CYLD: variants seen among roughly 807,000 people sequenced by gnomAD.
The protein encoded by CYLD is ubiquitin carboxyl-terminal hydrolase CYLD.
Under a neutral mutation model 104.5 loss-of-function variants are expected in CYLD, and 26 were observed. The observed-to-expected ratio is 0.25, with a 90% CI of 0.18 to 0.35. The LOEUF (loss-of-function observed/expected upper bound fraction) is 0.35, where lower values mean the gene tolerates loss of function less well. Ranked by LOEUF, CYLD falls within the 10% of genes least tolerant of loss-of-function variation. The pLI, the probability that CYLD is intolerant of heterozygous loss-of-function variation, is 1.00. For missense variants in CYLD, 703 were observed against 1,136.1 expected (o/e 0.62, Z 5.48); for synonymous variants, 385 against 399.9 (o/e 0.96, Z 0.45).
chr16:50,792,480 T>C (rs530246285), intron 15 of CYLD, 117 bp from the exon 16 acceptor site: 5 of 705,112 alleles, frequency 7.1e-6, no homozygotes, highest in South Asian at 4.9e-5. Flanking sequence ...TCCTGTTTCA[T>C]AGGACACCAA....
chr16:50,755,024 CATATATATGTAT>C (rs1175016364), intron 5 of CYLD, among the ~76,000 whole-genome samples: 1 of 96,574 alleles, frequency 1.0e-5, no homozygotes, highest in Non-Finnish European at 2.1e-5. Flanking sequence ...TGTATATATA[CATATATATGTAT>C]ATATACATAT....
At chr16:50,782,916 A>ATTTTTTT (rs386384680) in intron 11 of CYLD, among the ~76,000 whole-genome samples, 4 of 87,704 alleles carry the variant, frequency 4.6e-5, no homozygotes, top group Non-Finnish European at 6.3e-5. Context: ...ACAACTTAAG[A>ATTTTTTT]TTTTTTTTTT....
chr16:50,781,608 C>T (rs1346721803), intron 10 of CYLD, among the ~76,000 whole-genome samples, 197 bp downstream of exon 10: 3 of 152,128 alleles, frequency 2.0e-5, no homozygotes, highest in South Asian at 2.1e-4. Context: ...AGTATTAGGA[C>T]GTGCGTTTGG....
chr16:50,793,525 C>T, intron 16 of CYLD, 21 bp from the exon 17 acceptor site: 3 of 1,501,180 alleles, frequency 2.0e-6, no homozygotes, highest in South Asian at 1.1e-5. Flanking sequence ...CTTAACTTCC[C>T]TTCCCCTTCT....
At chr16:50,762,715 T>C (rs970154262) in intron 5 of CYLD, among the ~76,000 whole-genome samples, 1 of 152,256 alleles carries the variant, frequency 6.6e-6, no homozygotes, top group Non-Finnish European at 1.5e-5. Flanking sequence ...TTCTAATATA[T>C]AAACCTTGTG....
In CYLD at chr16:50,794,538, A is replaced by G; in HGVS notation, c.2686+110A>G. The G allele has an allele frequency of 9.4e-7, 1 of 1,063,522 alleles. No homozygotes were observed. The highest frequency in any genetic ancestry group is 1.5e-6 in the Non-Finnish European group (1 of 688,414). 65.9% of individuals were successfully genotyped at this position (1,063,522 alleles called of 1,614,324 possible). ...TGATATTTTCTGAGAAAATCCTTTC[A>G]GGATTATTCTGGTGACAACAGTCTT... On this transcript the variant is annotated intron_variant, in intron 18 of 18. Transcript: ENST00000427738. The surrounding 1 kb of genome is among the most constrained non-coding windows in gnomAD (Gnocchi z 4.1).
At position 50,799,218 on chromosome 16, in the gene CYLD, C is replaced by T. The variant is rs141928186; in HGVS notation, c.*2710C>T. The T allele has an allele frequency of 1.6e-3, 368 of 233,336 alleles. 4 individuals carry two copies. Among genetic ancestry groups the T allele is most frequent in the African/African-American group, 7.1e-3 (323 of 45,432 alleles). 14.5% of individuals were successfully genotyped at this position (233,336 alleles called of 1,614,324 possible). ...TAATTGAATTATCTTATTTATAACA[C>T]GGTTCGTGATTCATGATTCATGATT... On this transcript the variant is annotated 3_prime_UTR_variant, in exon 19 of 19. Coordinates refer to ENST00000427738, the MANE Select transcript of CYLD (RefSeq NM_001378743.1).
chr16:50,786,824 A>T, intron 12 of CYLD, 31 bp from the exon 13 acceptor site: 1 of 1,387,122 alleles, frequency 7.2e-7, no homozygotes, highest in East Asian at 2.3e-5. Flanking sequence ...AATACATGCC[A>T]ATATCAATTA....
intron 11 of CYLD, 110 bp downstream of exon 11, chr16:50,782,576 C>T (rs1970337128): frequency 8.6e-7 from 1 of 1,156,482 alleles, no homozygotes; most frequent in Non-Finnish European, 1.3e-6. Context: ...CTGCCATCTG[C>T]CTCTGAGTAG....
chr16:50,743,056 G>T (rs1750920315), intron 2 of CYLD, among the ~76,000 whole-genome samples: 1 of 152,040 alleles, frequency 6.6e-6, no homozygotes, highest in African/African-American at 2.4e-5. Flanking sequence ...CAGCCACCAA[G>T]CCTGTGGCCT....
Position 50,792,717 on chromosome 16 carries a change from AT to A in CYLD, c.2350+19del. 1 of 1,342,504 alleles carries A rather than the reference AT, an allele frequency of 7.4e-7. No individual in the cohort carries two copies. The highest frequency in any genetic ancestry group is 1.1e-6 in the Non-Finnish European group (1 of 944,614). The allele number at this position is 1,342,504 out of a possible 1,614,324, so 83.2% of individuals were successfully genotyped here. On this transcript the variant is annotated intron_variant, in intron 16 of 18. Transcript: ENST00000427738. ...TTTACTTGAAGACAGTAAGTATGAG[AT>A]TTTTTTAGTTTGTTTTGTTGGTTTT... is the stretch of plus-strand genomic sequence containing the variant.
intron 5 of CYLD, among the ~76,000 whole-genome samples, chr16:50,759,881 G>A (rs866478719): frequency 7.2e-5 from 11 of 152,080 alleles, no homozygotes; most frequent in Non-Finnish European, 1.0e-4. Flanking sequence ...TATTAAACAC[G>A]TATTTTTTGC....
intron 5 of CYLD, among the ~76,000 whole-genome samples, chr16:50,755,113 A>ATG (rs1478036508): frequency 3.9e-5 from 5 of 127,578 alleles, no homozygotes; most frequent in Non-Finnish European, 1.6e-5. Flanking sequence ...ATACACACAT[A>ATG]TACACATGTG....
At chr16:50,757,195 G>T (rs1180354189) in intron 5 of CYLD, among the ~76,000 whole-genome samples, 3 of 151,094 alleles carry the variant, frequency 2.0e-5, no homozygotes, top group Non-Finnish European at 4.4e-5. Flanking sequence ...TCCTTTTAGC[G>T]TGCACTGTTT....
chr16:50,766,515 G>A (rs1968541113), intron 5 of CYLD, among the ~76,000 whole-genome samples: 1 of 152,136 alleles, frequency 6.6e-6, no homozygotes, highest in Admixed American at 6.6e-5. Context: ...ATTTCTATTT[G>A]CAAGTTTTAT....
At chr16:50,757,847 G>T (rs1420628840) in intron 5 of CYLD, among the ~76,000 whole-genome samples, 1 of 152,052 alleles carries the variant, frequency 6.6e-6, no homozygotes, top group Non-Finnish European at 1.5e-5. Flanking sequence ...AGTTTTTCAT[G>T]ATTGTTAATG....
intron 5 of CYLD, among the ~76,000 whole-genome samples, chr16:50,758,991 C>A (rs887267913): frequency 2.6e-5 from 4 of 152,128 alleles, no homozygotes; most frequent in African/African-American, 9.7e-5. Flanking sequence ...GTAATCTCAG[C>A]ACTTTAGGAA....
At chr16:50,771,264 A>T (rs1206867078) in intron 5 of CYLD, among the ~76,000 whole-genome samples, 2 of 152,204 alleles carry the variant, frequency 1.3e-5, no homozygotes, top group African/African-American at 4.8e-5. Context: ...AATAAAAGAT[A>T]TGTGGCTTTT....
intron 5 of CYLD, among the ~76,000 whole-genome samples, chr16:50,770,406 C>T (rs1032474708): frequency 3.3e-5 from 5 of 150,860 alleles, no homozygotes; most frequent in African/African-American, 4.9e-5. Flanking sequence ...TGTTGAACAT[C>T]GTTCCGTGTA....
Sources: allele counts gnomAD v4.1 joint callset (sites outside exome capture counted in the v4.1 genomes callset), GRCh38; gene constraint gnomAD v4.1.1; non-coding constraint Gnocchi (gnomAD v3.1); transcripts MANE v1.5; gene names NCBI Gene and HGNC (gene_info 2026-07-23, HGNC 2026-07-21).